EFCAB6: variants seen among roughly 807,000 people sequenced by gnomAD.
EFCAB6 encodes EF-hand calcium-binding domain-containing protein 6.
A neutral mutation model predicts 169.8 loss-of-function variants in EFCAB6; 156 were observed. The observed-to-expected ratio is 0.92, with a 90% CI of 0.81 to 1.05. EFCAB6 has a LOEUF of 1.05. EFCAB6 is among the 50% of genes least tolerant of loss of function. The pLI, the probability that EFCAB6 is intolerant of heterozygous loss-of-function variation, is 0.00. For synonymous variants in EFCAB6, 698 were observed against 676.4 expected (o/e 1.03, Z -0.50); for missense variants, 1,800 against 1,829.1 (o/e 0.98, Z 0.29).
At chr22:43,583,436 AG>A (rs748621759) in intron 24 of EFCAB6, among the ~76,000 whole-genome samples, 21 of 151,972 alleles carry the variant, frequency 1.4e-4, no homozygotes, top group Non-Finnish European at 2.8e-4. Context: ...TTATTTGACA[AG>A]GTAAAACAAA....
chr22:43,691,679 G>T (rs945688881), intron 10 of EFCAB6, among the ~76,000 whole-genome samples: 1 of 152,052 alleles, frequency 6.6e-6, no homozygotes, highest in Admixed American at 6.6e-5. Context: ...ATAAATATAT[G>T]CAATAAATTG....
intron 20 of EFCAB6, among the ~76,000 whole-genome samples, chr22:43,618,881 T>C (rs1400957606): frequency 6.7e-6 from 1 of 150,368 alleles, no homozygotes; most frequent in African/African-American, 2.5e-5. Context: ...CAAGGAATAT[T>C]GGGAAATCCA....
chr22:43,785,418 CA>C (rs143690667), intron 2 of EFCAB6, among the ~76,000 whole-genome samples: 23,112 of 148,282 alleles, frequency 0.16, 1,814 homozygotes, highest in South Asian at 0.23. Context: ...ACCAATGAGT[CA>C]AAAAAAAAAT....
intron 10 of EFCAB6, among the ~76,000 whole-genome samples, chr22:43,702,709 C>G (rs929774963): frequency 7.9e-5 from 12 of 152,146 alleles, no homozygotes; most frequent in African/African-American, 2.9e-4. Context: ...GCTCTGTGTA[C>G]CTGCCAACAG....
chr22:43,687,659 T>C (rs2058255958), intron 10 of EFCAB6, 78 bp from the exon 11 acceptor site: 3 of 779,298 alleles, frequency 3.8e-6, no homozygotes, highest in East Asian at 5.6e-5. Flanking sequence ...GTACTTAATG[T>C]TGAATTGAAA....
rs2057520846 is a variant in EFCAB6, at chr22:43,672,157, T to G, written c.1480-24A>C. 5 of 1,612,902 alleles carry G rather than the reference T, an allele frequency of 3.1e-6. No homozygotes were observed. In the East Asian group the frequency reaches 1.1e-4, roughly 36 times the overall value. On this transcript the variant is annotated intron_variant, in intron 14 of 31. Transcript: ENST00000262726. Reference sequence around the variant, plus strand: ...ACCTAACATTAAAAAACAAACATATTTCCTAAGCCATACATCTGTAACCTC... The same window carrying G: ...ACCTAACATTAAAAAACAAACATATGTCCTAAGCCATACATCTGTAACCTC...
intron 10 of EFCAB6, among the ~76,000 whole-genome samples, chr22:43,690,721 C>A (rs1261711545): frequency 6.6e-6 from 1 of 151,748 alleles, no homozygotes; most frequent in African/African-American, 2.4e-5. Context: ...TCTCTCCGTT[C>A]TTCCAAAGAG....
chr22:43,773,363 T>C (rs1419345300), intron 3 of EFCAB6, among the ~76,000 whole-genome samples: 1 of 152,204 alleles, frequency 6.6e-6, no homozygotes, highest in Non-Finnish European at 1.5e-5. Flanking sequence ...GTAAAGGACA[T>C]AGGTCAGTAC....
At chr22:43,670,231 G>C (rs74355495) in intron 15 of EFCAB6, among the ~76,000 whole-genome samples, 1 of 152,146 alleles carries the variant, frequency 6.6e-6, no homozygotes, top group African/African-American at 2.4e-5. Context: ...TTTCTGCAAT[G>C]ACACTTTAAA....
intron 26 of EFCAB6, among the ~76,000 whole-genome samples, chr22:43,565,779 C>G (rs1185575431): frequency 6.6e-6 from 1 of 150,940 alleles, no homozygotes; most frequent in Non-Finnish European, 1.5e-5. Flanking sequence ...AGTCCTGAAA[C>G]TTCACACAGA....
At chr22:43,600,289 G>A in intron 22 of EFCAB6, 26 bp from the exon 23 acceptor site, 1 of 1,610,204 alleles carries the variant, frequency 6.2e-7, no homozygotes, top group African/African-American at 1.3e-5. Context: ...AAAACAGAAA[G>A]CACTTCTCAG....
intron 13 of EFCAB6, among the ~76,000 whole-genome samples, chr22:43,674,279 T>C (rs2057625998): frequency 6.6e-6 from 1 of 152,238 alleles, no homozygotes; most frequent in African/African-American, 2.4e-5. Flanking sequence ...TTCATGTTTA[T>C]TCATTCATTC....
intron 3 of EFCAB6, among the ~76,000 whole-genome samples, chr22:43,779,724 G>A (rs926680916): frequency 2.6e-5 from 4 of 151,890 alleles, no homozygotes; most frequent in African/African-American, 9.7e-5. Context: ...TGGGCAACAG[G>A]GCGAGACTCC....
chr22:43,603,036 G>A (rs984642359), intron 22 of EFCAB6, among the ~76,000 whole-genome samples: 3 of 151,982 alleles, frequency 2.0e-5, no homozygotes, highest in East Asian at 1.9e-4. Flanking sequence ...CATGAGCTAC[G>A]TTATCCATTC....
intron 17 of EFCAB6, among the ~76,000 whole-genome samples, chr22:43,662,134 G>A (rs2057033740): frequency 6.7e-6 from 1 of 149,582 alleles, no homozygotes; most frequent in African/African-American, 2.5e-5. Context: ...CTCCAGCCTG[G>A]GTGACAGAGT....
intron 2 of EFCAB6, among the ~76,000 whole-genome samples, chr22:43,788,298 C>T (rs1033577045): frequency 6.6e-6 from 1 of 152,008 alleles, no homozygotes; most frequent in Non-Finnish European, 1.5e-5. Context: ...TAAGATACCC[C>T]ACAGAATGGA....
intron 19 of EFCAB6, among the ~76,000 whole-genome samples, chr22:43,631,529 T>C (rs540854415): frequency 6.6e-6 from 1 of 152,088 alleles, no homozygotes; most frequent in East Asian, 1.9e-4. Context: ...GGCCTTACGA[T>C]TCAGTGTGGG....
intron 24 of EFCAB6, among the ~76,000 whole-genome samples, chr22:43,586,336 A>G (rs117264469): frequency 0.13 from 11,831 of 88,928 alleles, 771 homozygotes; most frequent in Middle Eastern, 0.25. Context: ...TTGAGCAACA[A>G]CTGATTTTTT....
At position 43,711,460 on chromosome 22, in the gene EFCAB6, C is replaced by CA. The variant is rs752370192; in HGVS notation, c.1031+14dup. On this transcript the variant is annotated intron_variant, in intron 10 of 31. Transcript: ENST00000262726. ...TTTGGGGAAAAAAATGTCAAGGAAACAATGAGACTCTTACCTTTTCATTAA... is the reference window on the plus strand; with the variant it reads ...TTTGGGGAAAAAAATGTCAAGGAAACAAATGAGACTCTTACCTTTTCATTAA... 1 of 1,551,432 alleles carries CA rather than the reference C, an allele frequency of 6.4e-7. No individual in the cohort carries two copies. The highest frequency in any genetic ancestry group is 1.2e-5 in the South Asian group (1 of 82,074).
Sources: allele counts gnomAD v4.1 joint callset (sites outside exome capture counted in the v4.1 genomes callset), GRCh38; gene constraint gnomAD v4.1.1; transcripts MANE v1.5; gene names NCBI Gene and HGNC (gene_info 2026-07-23, HGNC 2026-07-21).